ZC3H6: variants seen among roughly 807,000 people sequenced by gnomAD.
ZC3H6 encodes zinc finger CCCH domain-containing protein 6.
A neutral mutation model predicts 107.7 loss-of-function variants in ZC3H6; 40 were observed. That is an observed-to-expected ratio of 0.37 (90% CI 0.29 to 0.48). The LOEUF (loss-of-function observed/expected upper bound fraction) is 0.48, where lower values mean the gene tolerates loss of function less well. Ranked by LOEUF, ZC3H6 falls within the 20% of genes least tolerant of loss-of-function variation. The probability of loss-of-function intolerance (pLI) is 0.98; values close to 1 mark genes in which losing one functional copy is unlikely to be tolerated. For missense variants in ZC3H6, 1,267 were observed against 1,410.4 expected (o/e 0.90, Z 1.63); for synonymous variants, 493 against 487.9 (o/e 1.01, Z -0.14).
At chr2:112,323,777 A>AT (rs1367938235) in intron 9 of ZC3H6, among the ~76,000 whole-genome samples, 32 of 152,344 alleles carry the variant, frequency 2.1e-4, no homozygotes, top group African/African-American at 7.5e-4. Context: ...TTGGATGTTT[A>AT]TATAGTAGAT....
chr2:112,276,194 G>C (rs1686417298), intron 1 of ZC3H6, among the ~76,000 whole-genome samples, 168 bp downstream of exon 1: 2 of 147,852 alleles, frequency 1.4e-5, no homozygotes, highest in Admixed American at 6.7e-5. Context: ...GGCCGCGGGG[G>C]AGGTCGGCCC....
rs537532847 is a variant in ZC3H6 at position 112,334,587 on chromosome 2, T to C, written c.*2099T>C. 3 of 152,548 alleles carry C rather than the reference T, an allele frequency of 2.0e-5. No individual in the cohort carries two copies. The highest frequency in any genetic ancestry group is 2.1e-4 in the South Asian group (1 of 4,828). The allele number at this position is 152,548 out of a possible 1,614,324, so 9.4% of individuals were successfully genotyped here. Reference sequence around the variant, plus strand: ...TATTCTTGAGTCCCTGTTACCTCAATTGGTGTTCTAGAGGCTATTTTACAA... The same window carrying C: ...TATTCTTGAGTCCCTGTTACCTCAACTGGTGTTCTAGAGGCTATTTTACAA... On this transcript the variant is annotated 3_prime_UTR_variant, in exon 12 of 12. Coordinates refer to ENST00000409871, the MANE Select transcript of ZC3H6 (RefSeq NM_198581.3).
At chr2:112,308,383 C>G (rs1676517517) in intron 3 of ZC3H6, among the ~76,000 whole-genome samples, 3 of 148,508 alleles carry the variant, frequency 2.0e-5, no homozygotes, top group Admixed American at 6.7e-5. Context: ...TGGTATTTTG[C>G]CAGAGTAGTA....
Position 112,276,023 on chromosome 2 carries a change from A to G in ZC3H6, c.29A>G (p.Asp10Gly), listed in dbSNP as rs1686409763. ...ACAGACTCTGAACATGCAGGGCACG[A>G]CAGGTCGGGAACCCTTCTTGTCTGT... MTDSEHAGH[D>G]REDGELEDGE... The change falls in exon 1 of 12, where the codon GAC becomes GGC. Residue 10 changes from aspartate to glycine, a missense_variant. This residue lies in a region of ZC3H6 where 337 missense variants were observed against 361.2 expected (regional missense o/e 0.93). Coordinates refer to ENST00000409871, the MANE Select transcript of ZC3H6 (RefSeq NM_198581.3). 8.4e-6 allele frequency: 13 copies of G among 1,542,326 alleles called. No homozygotes were observed. The highest frequency in any genetic ancestry group is 1.1e-5 in the Non-Finnish European group (13 of 1,143,510).
At chr2:112,323,781 A>G (rs1406317994) in intron 9 of ZC3H6, among the ~76,000 whole-genome samples, 1 of 152,256 alleles carries the variant, frequency 6.6e-6, no homozygotes, top group East Asian at 1.9e-4. Flanking sequence ...ATGTTTATAT[A>G]GTAGATTCTA....
chr2:112,339,050 C>G lies in ZC3H6; in HGVS notation c.*6562C>G, dbSNP rs980728261. 6.6e-6 allele frequency: 1 copy of G among 151,636 alleles called. No individual in the cohort carries two copies. Among genetic ancestry groups the G allele is most frequent in the African/African-American group, 2.4e-5 (1 of 41,296 alleles). The allele number at this position is 151,636 out of a possible 1,614,324, so 9.4% of individuals were successfully genotyped here. A position where few individuals can be genotyped will look rare whatever the true frequency, so the allele number is the denominator to read the frequency against. On this transcript the variant is annotated 3_prime_UTR_variant, in exon 12 of 12. Coordinates refer to ENST00000409871, the MANE Select transcript of ZC3H6 (RefSeq NM_198581.3). ...GGAATTACAGACGCCTGCCACCACA[C>G]CCAGCTAATTTTTCGTATTTTTTAG...
intron 1 of ZC3H6, chr2:112,286,490 T>C (rs562361596): frequency 6.5e-6 from 1 of 154,652 alleles, no homozygotes; most frequent in African/African-American, 2.4e-5. Flanking sequence ...CAGACTGGAG[T>C]GCAGTGGCGC....
At chr2:112,323,278 T>C (rs1181610279) in intron 9 of ZC3H6, among the ~76,000 whole-genome samples, 1 of 152,158 alleles carries the variant, frequency 6.6e-6, no homozygotes. Context: ...CTTAGGCTAT[T>C]GGCGGAAGAC....
chr2:112,332,151 G>C lies in ZC3H6; in HGVS notation c.3233G>C (p.Gly1078Ala), dbSNP rs1245793994. The change falls in exon 12 of 12, where the codon GGT becomes GCT. Residue 1078 changes from glycine to alanine, a missense_variant. Transcript: ENST00000409871. ...GENSKNQKKS[G>A]GLKSSDKTEP... The stretch of plus-strand genomic sequence containing the variant: ...AACTCAAAGAACCAGAAAAAAAGTG[G>C]TGGCTTAAAAAGTAGTGACAAAACT... 1.2e-6 allele frequency: 2 copies of C among 1,613,906 alleles called. No individual in the cohort carries two copies. The highest frequency in any genetic ancestry group is 1.7e-6 in the Non-Finnish European group (2 of 1,179,844).
At chr2:112,279,021 C>G (rs530113795) in intron 1 of ZC3H6, among the ~76,000 whole-genome samples, 1 of 152,168 alleles carries the variant, frequency 6.6e-6, no homozygotes, top group Non-Finnish European at 1.5e-5. Context: ...TATTTTCACA[C>G]CTGGAGTTAA....
At chr2:112,319,601 G>GCCA (rs1358367077) in intron 7 of ZC3H6, among the ~76,000 whole-genome samples, 1 of 151,856 alleles carries the variant, frequency 6.6e-6, no homozygotes, top group African/African-American at 2.4e-5. Context: ...AGCCAAGATG[G>GCCA]TGCCACTGCA....
In ZC3H6 at chr2:112,275,928, TCCCCGCG is replaced by T; in HGVS notation, c.-60_-54del. ...TTCCCGCAGGCGGCGCGGGGGGTCT[TCCCCGCG>T]CCCCGCCGCCGCCGGCCTCGCAGAC... On this transcript the variant is annotated 5_prime_UTR_variant, in exon 1 of 12. Coordinates refer to ENST00000409871, the MANE Select transcript of ZC3H6 (RefSeq NM_198581.3). 7.1e-7 allele frequency: 1 copy of T among 1,407,752 alleles called. No individual in the cohort carries two copies. The highest frequency in any genetic ancestry group is 9.5e-7 in the Non-Finnish European group (1 of 1,055,812). The allele number at this position is 1,407,752 out of a possible 1,614,324, so 87.2% of individuals were successfully genotyped here.
chr2:112,330,190 C>T (rs1031387437), intron 11 of ZC3H6, among the ~76,000 whole-genome samples: 1 of 151,796 alleles, frequency 6.6e-6, no homozygotes, highest in African/African-American at 2.4e-5. Flanking sequence ...GTAGCTGGGA[C>T]TACATGTGCC....
intron 1 of ZC3H6, among the ~76,000 whole-genome samples, chr2:112,280,576 C>A (rs1686508934): frequency 6.6e-6 from 1 of 151,926 alleles, no homozygotes; most frequent in African/African-American, 2.4e-5. Context: ...AATCTAGTTG[C>A]AGAAACAGAT....
intron 8 of ZC3H6, among the ~76,000 whole-genome samples, chr2:112,322,112 C>T (rs1222664237): frequency 2.2e-5 from 3 of 134,218 alleles, no homozygotes; most frequent in Non-Finnish European, 4.9e-5. Context: ...TCCTTCCCGT[C>T]TTCCCTCCTT....
At chr2:112,291,314 ATGTC>A (rs1558947592) in intron 1 of ZC3H6, among the ~76,000 whole-genome samples, 1 of 152,194 alleles carries the variant, frequency 6.6e-6, no homozygotes, top group African/African-American at 2.4e-5. Flanking sequence ...GTTCACTGCA[ATGTC>A]TGTCTCCTGG....
At chr2:112,290,224 T>C (rs1369370834) in intron 1 of ZC3H6, among the ~76,000 whole-genome samples, 2 of 152,264 alleles carry the variant, frequency 1.3e-5, no homozygotes, top group South Asian at 2.1e-4. Context: ...TCCTGAGGAA[T>C]TGAAGAAATT....
In ZC3H6 at chr2:112,300,600, A is replaced by G. The variant is rs920483195; in HGVS notation, c.213+571A>G. Among the ~76,000 whole-genome samples the G allele has an allele frequency of 3.9e-5, 6 of 152,236 alleles. No homozygotes were observed. The South Asian group carries it at 1.0e-3, about 26-fold the overall frequency. On this transcript the variant is annotated intron_variant, in intron 2 of 11. Transcript: ENST00000409871. ...TGGAAGATTAAGGAAAGAGAGTTTC[A>G]TTCTCTACAGATACAGATTAGCAGC...
At chr2:112,327,474 C>G (rs985883016) in intron 11 of ZC3H6, among the ~76,000 whole-genome samples, 2 of 152,084 alleles carry the variant, frequency 1.3e-5, no homozygotes, top group African/African-American at 4.8e-5. Flanking sequence ...TGTGGATTGT[C>G]TCATCATTTG....
Sources: gnomAD v4.1 joint callset for allele counts (sites outside exome capture counted in the v4.1 genomes callset) on GRCh38, gnomAD v4.1.1 for gene constraint, gnomAD v4.1.1 regional missense constraint, MANE v1.5 for transcripts, NCBI Gene and HGNC (gene_info 2026-07-23, HGNC 2026-07-21) for gene names.